ZNF700: variants seen among roughly 807,000 people sequenced by gnomAD.
The protein encoded by ZNF700 is zinc finger protein 700.
Under a neutral mutation model 65.3 loss-of-function variants are expected in ZNF700, and 38 were observed. The observed-to-expected ratio is 0.58, with a 90% CI of 0.45 to 0.76. The LOEUF (loss-of-function observed/expected upper bound fraction) is 0.76, where lower values mean the gene tolerates loss of function less well. ZNF700 is among the 30% of genes least tolerant of loss of function. The pLI is 0.00. For synonymous variants in ZNF700, 285 were observed against 290.4 expected (o/e 0.98, Z 0.19); for missense variants, 857 against 888.4 (o/e 0.96, Z 0.45).
At position 11,925,256 on chromosome 19, in the gene ZNF700, T is replaced by A; in HGVS notation, c.46T>A (p.Ser16Thr). The change falls in exon 1 of 4, where the codon TCT (serine) becomes ACT (threonine). Residue 16 changes from serine to threonine, a missense_variant. By Grantham distance (58) the Ser-to-Thr change is moderately conservative (BLOSUM62 1). Coordinates refer to ENST00000254321, the MANE Select transcript of ZNF700 (RefSeq NM_144566.3). ...GAGCTGTAGAGAGGACCCCGGTACA[T>A]CTGAAAGCCGGGAAATGGTGCGTGT... The part of the protein sequence containing the change: ...HRSCREDPGT[S>T]ESREMDPVAF... The A allele has an allele frequency of 6.2e-7, 1 of 1,612,666 alleles. No individual in the cohort carries two copies.
chr19:11,939,420 A>G (rs1276945946), intron 1 of ZNF700, among the ~76,000 whole-genome samples: 3 of 152,160 alleles, frequency 2.0e-5, no homozygotes, highest in African/African-American at 7.2e-5. Flanking sequence ...TAAGGAAGGG[A>G]TCCAGTTTCA....
At chr19:11,930,111 A>G (rs1210547250) in intron 1 of ZNF700, among the ~76,000 whole-genome samples, 4 of 148,040 alleles carry the variant, frequency 2.7e-5, no homozygotes, top group Non-Finnish European at 1.5e-5. Flanking sequence ...CTGAATGACT[A>G]GTGGTGGAGG....
intron 1 of ZNF700, among the ~76,000 whole-genome samples, chr19:11,943,479 G>A (rs564217018): frequency 1.3e-5 from 2 of 152,256 alleles, no homozygotes. Flanking sequence ...GCATGTAAAT[G>A]GGGGTCTCTT....
chr19:11,948,065 C>A (rs1403568875), intron 3 of ZNF700, among the ~76,000 whole-genome samples: 2 of 152,142 alleles, frequency 1.3e-5, no homozygotes, highest in Non-Finnish European at 2.9e-5. Context: ...CATGGGAATA[C>A]TATTAAGAAG....
chr19:11,934,900 G>A (rs1972766666), intron 1 of ZNF700, among the ~76,000 whole-genome samples: 1 of 147,604 alleles, frequency 6.8e-6, no homozygotes, highest in Non-Finnish European at 1.5e-5. Flanking sequence ...ACAGTCTTTG[G>A]TCGGGTGCGG....
At chr19:11,943,758 C>T (rs1972919936) in intron 1 of ZNF700, among the ~76,000 whole-genome samples, 1 of 152,192 alleles carries the variant, frequency 6.6e-6, no homozygotes, top group Non-Finnish European at 1.5e-5. Context: ...ACACTGGGAA[C>T]AATCTTCCAT....
chr19:11,925,643 C>T (rs1599274658), intron 1 of ZNF700, among the ~76,000 whole-genome samples: 1 of 152,170 alleles, frequency 6.6e-6, no homozygotes, highest in South Asian at 2.1e-4. Context: ...GTCTGTGGGG[C>T]CCCCAGTCCC....
rs1398285984 is a variant in ZNF700 at position 11,949,693 on chromosome 19, A to C, written c.1669A>C (p.Thr557Pro). ...CCNSLRYHER[T>P]HTGEKPYECK... The stretch of plus-strand genomic sequence containing the variant: ...CAATTCCCTTCGATATCATGAAAGG[A>C]CTCACACTGGAGAGAAACCCTATGA... Residue 557 changes from threonine to proline, a missense_variant, in exon 4 of 4, where the codon ACT becomes CCT. Physicochemically the swap from Thr to Pro is conservative, Grantham distance 38 (BLOSUM62 -1). Coordinates refer to ENST00000254321, the MANE Select transcript of ZNF700 (RefSeq NM_144566.3). 1 of 1,613,916 alleles carries C rather than the reference A, an allele frequency of 6.2e-7. No individual in the cohort carries two copies. Among genetic ancestry groups the C allele is most frequent in the Admixed American group, 1.7e-5 (1 of 60,004 alleles).
At chr19:11,928,021 A>G (rs1972657910) in intron 1 of ZNF700, among the ~76,000 whole-genome samples, 1 of 151,458 alleles carries the variant, frequency 6.6e-6, no homozygotes, top group Non-Finnish European at 1.5e-5. Flanking sequence ...TTTTTGAGAC[A>G]GTATCTTGCT....
At chr19:11,925,337 G>T in intron 1 of ZNF700, 64 bp downstream of exon 1, 1 of 1,595,332 alleles carries the variant, frequency 6.3e-7, no homozygotes, top group Non-Finnish European at 8.6e-7. Context: ...GCGGGAACCG[G>T]CTGTGGCGGG....
rs553804021 is a variant in ZNF700, at chr19:11,931,011, A to C, written c.63+5738A>C. Among the ~76,000 whole-genome samples, 12 of 147,816 alleles carry C rather than the reference A, an allele frequency of 8.1e-5. 1 individual carries two copies. Among genetic ancestry groups the C allele is most frequent in the Non-Finnish European group, 1.3e-4 (9 of 67,832 alleles). On this transcript the variant is annotated intron_variant, in intron 1 of 3. Transcript: ENST00000254321. ...CAAAATTCCGTCTCAAAAAAAAAAA[A>C]AACAACATAGATGCCCTCGTTTCAC... is the stretch of plus-strand genomic sequence containing the variant.
intron 1 of ZNF700, among the ~76,000 whole-genome samples, chr19:11,946,323 G>A (rs573792887): frequency 1.1e-4 from 17 of 152,292 alleles, no homozygotes; most frequent in African/African-American, 3.8e-4. Flanking sequence ...CACAGGTGCT[G>A]TGGGCTCAGG....
rs769078390 is a variant in ZNF700, at chr19:11,949,341, T to G, written c.1317T>G (p.Thr439=). Residue 439 remains threonine, a synonymous_variant, in exon 4 of 4, where the codon ACT becomes ACG. Transcript: ENST00000254321. ...CACAGCTTCGAGTGCACGGTGGGAC[T>G]CACACTGGAGAGAAACCCTATGAAT... ...SASQLRVHGG[T]HTGEKPYECK... is the part of the protein sequence containing the mutation. The G allele has an allele frequency of 6.8e-6, 11 of 1,613,638 alleles. No individual in the cohort carries two copies. In the South Asian group the frequency reaches 1.1e-4, roughly 16 times the overall value.
At chr19:11,927,160 C>G (rs535190200) in intron 1 of ZNF700, among the ~76,000 whole-genome samples, 2 of 152,114 alleles carry the variant, frequency 1.3e-5, no homozygotes, top group Non-Finnish European at 2.9e-5. Flanking sequence ...CGAGACCAGC[C>G]TGGGCAACAT....
In ZNF700 at chr19:11,950,412, CTTCA is replaced by C. The variant is rs1404717221; in HGVS notation, c.*163_*166del. On this transcript the variant is annotated 3_prime_UTR_variant, in exon 4 of 4. Coordinates refer to ENST00000254321, the MANE Select transcript of ZNF700 (RefSeq NM_144566.3). ...ATCAATGTAAGCAGTGTGGGAAAGC[CTTCA>C]TTCCTTTTACTTCTTTTCAATGTCA... The C allele has an allele frequency of 2.5e-6, 2 of 814,078 alleles. No homozygotes were observed. The highest frequency in any genetic ancestry group is 4.1e-6 in the Non-Finnish European group (2 of 483,670). The allele number at this position is 814,078 out of a possible 1,614,324, so 50.4% of individuals were successfully genotyped here.
intron 1 of ZNF700, among the ~76,000 whole-genome samples, chr19:11,928,540 G>T (rs1429385416): frequency 6.7e-6 from 1 of 150,340 alleles, no homozygotes; most frequent in Non-Finnish European, 1.5e-5. Context: ...AGACCATCCC[G>T]GCTAAAACGG....
intron 1 of ZNF700, among the ~76,000 whole-genome samples, chr19:11,937,715 C>G (rs1972819461): frequency 6.6e-6 from 1 of 151,958 alleles, no homozygotes; most frequent in African/African-American, 2.4e-5. Flanking sequence ...GTCTCGATCT[C>G]CTGACCTCAT....
Position 11,949,603 on chromosome 19 carries a change from G to GA in ZNF700, c.1585dup (p.Thr529AsnfsTer9), listed in dbSNP as rs1443064473. On this transcript the variant is annotated frameshift_variant, in exon 4 of 4. Transcript: ENST00000254321. LOFTEE classifies it high-confidence loss of function. ...TTCTGCCAAGTCATTTCAAACACAT[G>GA]AAAAAACTCACACTGGAGAGAAACC... is the stretch of plus-strand genomic sequence containing the variant. 6.2e-7 allele frequency: 1 copy of GA among 1,613,136 alleles called. No individual in the cohort carries two copies. The highest frequency in any genetic ancestry group is 2.2e-5 in the East Asian group (1 of 44,876).
chr19:11,941,550 C>G lies in ZNF700; in HGVS notation c.64-5631C>G, dbSNP rs190245581. 9.6e-4 allele frequency among the ~76,000 whole-genome samples: 146 copies of G among 152,342 alleles called. 1 individual carries two copies. The highest frequency in any genetic ancestry group is 2.7e-3 in the Admixed American group (41 of 15,304). Reference sequence around the variant, plus strand: ...AGCCGCTGGCCCAGGTGCTAAGCCCCTCATTGCCCAGGGCCAGCAGGGTCG... The same window carrying G: ...AGCCGCTGGCCCAGGTGCTAAGCCCGTCATTGCCCAGGGCCAGCAGGGTCG... On this transcript the variant is annotated intron_variant, in intron 1 of 3. Transcript: ENST00000254321.
Sources: allele counts gnomAD v4.1 joint callset (sites outside exome capture counted in the v4.1 genomes callset), GRCh38; gene constraint gnomAD v4.1.1; transcripts MANE v1.5; gene names NCBI Gene and HGNC (gene_info 2026-07-23, HGNC 2026-07-21).